NCOR2: variants seen among roughly 807,000 people sequenced by gnomAD.
NCOR2 encodes the protein nuclear receptor corepressor 2, also known as CTG repeat protein 26.
In NCOR2, 81 loss-of-function variants were observed where a neutral mutation model predicts 262.9. That is an observed-to-expected ratio of 0.31 (90% CI 0.26 to 0.37). The LOEUF is 0.37. Ranked by LOEUF, NCOR2 falls within the 10% of genes least tolerant of loss-of-function variation. NCOR2 has a pLI of 1.00. For synonymous variants in NCOR2, 1,659 were observed against 1,559.3 expected, an observed-to-expected ratio of 1.06 and a Z score of -1.51; for missense variants, 3,385 against 3,621.4, an observed-to-expected ratio of 0.93 and a Z score of 1.68.
intron 1 of NCOR2, among the ~76,000 whole-genome samples, chr12:124,506,672 C>T (rs759720481): frequency 4.6e-5 from 7 of 152,102 alleles, no homozygotes; most frequent in Non-Finnish European, 8.8e-5. Flanking sequence ...AAGTTCCGGG[C>T]GCCCCAGGAG....
intron 3 of NCOR2, among the ~76,000 whole-genome samples, chr12:124,476,008 G>A (rs1043980580): frequency 1.3e-5 from 2 of 152,196 alleles, no homozygotes; most frequent in African/African-American, 4.8e-5. Context: ...GCAAAAGTGT[G>A]TGTGGAAGAA....
chr12:124,489,196 G>A (rs532022486), intron 1 of NCOR2, among the ~76,000 whole-genome samples: 2 of 152,086 alleles, frequency 1.3e-5, no homozygotes, highest in Non-Finnish European at 2.9e-5. Flanking sequence ...CGCCCAGGCT[G>A]GAAACCACCT....
Position 124,378,141 on chromosome 12 carries a change from G to A in NCOR2, c.2167+96C>T, listed in dbSNP as rs892717350. ...TTCTAAGGAGGACCCAGATGACTCAGGGGAGAGGAGGCTGCCGGGATCAGT... is the reference window on the plus strand; with the variant it reads ...TTCTAAGGAGGACCCAGATGACTCAAGGGAGAGGAGGCTGCCGGGATCAGT... On this transcript the variant is annotated intron_variant, in intron 18 of 46. Coordinates refer to ENST00000405201, the Ensembl canonical transcript of NCOR2. This position sits in a 1 kb window ranked among gnomAD's most constrained non-coding sequence, Gnocchi z 4.2. 98 of 1,535,532 alleles carry A rather than the reference G, an allele frequency of 6.4e-5. No individual in the cohort carries two copies. In the African/African-American group the frequency reaches 1.1e-3, roughly 18 times the overall value.
At chr12:124,500,917 G>C (rs1374724307) in intron 1 of NCOR2, among the ~76,000 whole-genome samples, 2 of 152,160 alleles carry the variant, frequency 1.3e-5, no homozygotes, top group Non-Finnish European at 2.9e-5. Context: ...AGGCACGCGG[G>C]GCTCTGCGCC....
intron 6 of NCOR2, among the ~76,000 whole-genome samples, chr12:124,455,248 A>C (rs977595467): frequency 6.6e-6 from 1 of 152,234 alleles, no homozygotes; most frequent in Admixed American, 6.5e-5. Flanking sequence ...TTGTACCTCA[A>C]TAAAGCTGTT....
rs2041984614 is a variant in NCOR2, at chr12:124,401,552, G to A, written c.1640+852C>T. 2.0e-5 allele frequency among the ~76,000 whole-genome samples: 3 copies of A among 152,370 alleles called. No individual in the cohort carries two copies. The South Asian group carries it at 6.2e-4, about 32-fold the overall frequency. ...ATACATTGGCCTTCAGTATTATCAA[G>A]GGCCGGGCATCATCTTAGACATTGG... On this transcript the variant is annotated intron_variant, in intron 14 of 46. Transcript: ENST00000405201.
Position 124,449,881 on chromosome 12 carries a change from G to C in NCOR2, c.763-14C>G. 6.2e-7 allele frequency: 1 copy of C among 1,613,582 alleles called. No homozygotes were observed. On this transcript the variant is annotated splice_polypyrimidine_tract_variant and intron_variant, in intron 6 of 46. Coordinates refer to ENST00000405201, the Ensembl canonical transcript of NCOR2. ...GTTGTACAGCGGCTGCAAAGGGAGAGAGAGAAGCACATCAGAGCCTGGCTG... is the reference window on the plus strand; with the variant it reads ...GTTGTACAGCGGCTGCAAAGGGAGACAGAGAAGCACATCAGAGCCTGGCTG...
chr12:124,375,000 C>T (rs544745291), intron 18 of NCOR2, among the ~76,000 whole-genome samples: 2 of 152,360 alleles, frequency 1.3e-5, no homozygotes, highest in African/African-American at 2.4e-5. Flanking sequence ...AGCAGCAACG[C>T]TGGCTGCATA....
At chr12:124,520,211 C>T (rs763900579) in intron 1 of NCOR2, among the ~76,000 whole-genome samples, 13 of 152,190 alleles carry the variant, frequency 8.5e-5, no homozygotes, top group African/African-American at 2.4e-4. Flanking sequence ...GATTCTGCTA[C>T]TCTTACGCCT....
intron 16 of NCOR2, 99 bp from the exon 19 acceptor site, chr12:124,385,986 C>T: frequency 6.9e-7 from 1 of 1,441,974 alleles, no homozygotes; most frequent in Non-Finnish European, 9.3e-7. Flanking sequence ...GGAGCAGAAA[C>T]CCAGCCTGGG....
chr12:124,460,048 G>A (rs1019043607), intron 5 of NCOR2, among the ~76,000 whole-genome samples: 42 of 152,120 alleles, frequency 2.8e-4, no homozygotes, highest in African/African-American at 9.2e-4. Context: ...CTGACCCCCC[G>A]CAGCAGGGCG....
intron 16 of NCOR2, among the ~76,000 whole-genome samples, chr12:124,395,373 T>G (rs2041586170): frequency 6.6e-6 from 1 of 152,084 alleles, no homozygotes; most frequent in African/African-American, 2.4e-5. Context: ...ACACAGCCAT[T>G]AGCAGCCACC....
chr12:124,334,842 G>C, intron 40 of NCOR2: 1 of 604,234 alleles, frequency 1.7e-6, no homozygotes, highest in Non-Finnish European at 2.9e-6. Context: ...TGGCTGATGA[G>C]ACCAGCCCAT....
chr12:124,558,686 C>T (rs1161867289), intron 1 of NCOR2, among the ~76,000 whole-genome samples: 1 of 152,162 alleles, frequency 6.6e-6, no homozygotes, highest in African/African-American at 2.4e-5. Flanking sequence ...TGAGCAATGG[C>T]AAGGAGACTG....
At chr12:124,536,445 A>G (rs2051116382), upstream of NCOR2, among the ~76,000 whole-genome samples, 1 of 152,222 alleles carries the variant, frequency 6.6e-6, no homozygotes, top group Non-Finnish European at 1.5e-5. Flanking sequence ...TACCCAGAAT[A>G]CAGAGGGGAC....
Position 124,503,742 on chromosome 12 carries a change from G to A in NCOR2, c.-117-8374C>T, listed in dbSNP as rs1404492414. Among the ~76,000 whole-genome samples, 2 of 148,604 alleles carry A rather than the reference G, an allele frequency of 1.3e-5. No homozygotes were observed. The highest frequency in any genetic ancestry group is 4.9e-5 in the African/African-American group (2 of 40,856). On this transcript the variant is annotated intron_variant, in intron 1 of 46. Transcript: ENST00000404621. This position sits in a 1 kb window ranked among gnomAD's most constrained non-coding sequence, Gnocchi z 4.3. Reference sequence around the variant, plus strand: ...CGAATGGATGGATGGATGGACGGATGGATGCATGGATGCATGGATGGATGG... The same window carrying A: ...CGAATGGATGGATGGATGGACGGATAGATGCATGGATGCATGGATGGATGG...
intron 1 of NCOR2, among the ~76,000 whole-genome samples, chr12:124,521,528 C>T (rs1359446672): frequency 2.0e-5 from 3 of 152,154 alleles, no homozygotes; most frequent in Non-Finnish European, 4.4e-5. Context: ...TGCATGATTC[C>T]GTCCAGGAGA....
chr12:124,397,560 C>T (rs1361862390), intron 16 of NCOR2, among the ~76,000 whole-genome samples: 2 of 152,204 alleles, frequency 1.3e-5, no homozygotes, highest in African/African-American at 4.8e-5. Context: ...CACGACTGTC[C>T]CCAACGGCCT....
intron 1 of NCOR2, among the ~76,000 whole-genome samples, chr12:124,494,778 C>T (rs573861816): frequency 6.6e-6 from 1 of 152,282 alleles, no homozygotes; most frequent in Middle Eastern, 3.4e-3. Context: ...CCCTGGAAGC[C>T]ACCCCAATCC....
Sources: allele counts gnomAD v4.1 joint callset (sites outside exome capture counted in the v4.1 genomes callset), GRCh38; gene constraint gnomAD v4.1.1; non-coding constraint Gnocchi (gnomAD v3.1); transcripts MANE v1.5; gene names NCBI Gene and HGNC (gene_info 2026-07-23, HGNC 2026-07-21).